Variants in DYNC2I1 observed in about 807,000 individuals in gnomAD.
DYNC2I1 encodes dynein 2 intermediate chain 1, also known as cytoplasmic dynein 2 intermediate chain 1.
In DYNC2I1, 89 loss-of-function variants were observed where a neutral mutation model predicts 133.4. The ratio of observed to expected loss-of-function variants is 0.67; its 90% CI spans 0.56 to 0.80. The LOEUF is 0.80. Ranked by LOEUF, DYNC2I1 falls within the 30% of genes least tolerant of loss-of-function variation. The pLI is 0.00. For missense variants in DYNC2I1, 1,291 were observed against 1,314.5 expected (o/e 0.98, Z 0.28); for synonymous variants, 504 against 484.3 (o/e 1.04, Z -0.54).
the DYNC2I1 span, among the ~76,000 whole-genome samples, chr7:158,842,984 C>T: frequency 6.6e-6 from 1 of 152,232 alleles, no homozygotes; most frequent in East Asian, 1.9e-4. Context: ...TCTGTGAGGA[C>T]AGTAAGTGGA....
chr7:158,958,453 C>T (rs1269987371), downstream of DYNC2I1, among the ~76,000 whole-genome samples: 1 of 152,242 alleles, frequency 6.6e-6, no homozygotes, highest in Non-Finnish European at 1.5e-5. Context: ...GGCCCCCGGG[C>T]CACTGCGGAG....
intron 3 of DYNC2I1, among the ~76,000 whole-genome samples, chr7:158,874,317 C>T (rs1843155568): frequency 6.6e-6 from 1 of 151,896 alleles, no homozygotes; most frequent in South Asian, 2.1e-4. Context: ...AAGTGATCCT[C>T]ATGCCTCAGC....
At chr7:158,886,425 C>T (rs571894926) in intron 6 of DYNC2I1, among the ~76,000 whole-genome samples, 13 of 152,064 alleles carry the variant, frequency 8.5e-5, no homozygotes, top group South Asian at 4.2e-4. Flanking sequence ...TGAGCCACTG[C>T]GCCCGGCCGA....
chr7:158,942,060 G>A lies in DYNC2I1; in HGVS notation c.2914G>A (p.Val972Met). 1 of 1,612,518 alleles carries A rather than the reference G, an allele frequency of 6.2e-7. No individual in the cohort carries two copies. Among genetic ancestry groups the A allele is most frequent in the Non-Finnish European group, 8.5e-7 (1 of 1,179,182 alleles). Reference sequence around the variant, plus strand: ...CCCAACCAGGCCTGCCGTGTTCCTGGTGCAGGACGACACATCCAACATCTA... The same window carrying A: ...CCCAACCAGGCCTGCCGTGTTCCTGATGCAGGACGACACATCCAACATCTA... ...WSPTRPAVFL[V>M]QDDTSNIYIW... Residue 972 changes from valine (V) to methionine (M), a missense_variant, in exon 24 of 25, where the codon GTG becomes ATG. Coordinates refer to ENST00000407559, the MANE Select transcript of DYNC2I1 (RefSeq NM_018051.5).
chr7:158,880,273 A>AT (rs1387329056), intron 5 of DYNC2I1, among the ~76,000 whole-genome samples: 1 of 152,244 alleles, frequency 6.6e-6, no homozygotes, highest in Non-Finnish European at 1.5e-5. Context: ...GCGGTGGCTC[A>AT]TGCCTGTCAT....
At chr7:158,908,456 A>G (rs114580586) in intron 11 of DYNC2I1, among the ~76,000 whole-genome samples, 1,876 of 152,344 alleles carry the variant, frequency 0.012, 41 homozygotes, top group African/African-American at 0.043. Flanking sequence ...TAATTGACCA[A>G]TTGGGAAAAT....
intron 8 of DYNC2I1, among the ~76,000 whole-genome samples, chr7:158,897,713 T>A (rs536329925): frequency 6.6e-6 from 1 of 152,220 alleles, no homozygotes; most frequent in Admixed American, 6.5e-5. Flanking sequence ...TTCATTGATT[T>A]TTCTCTGTTG....
intron 15 of DYNC2I1, among the ~76,000 whole-genome samples, chr7:158,919,905 A>G (rs1848846393): frequency 6.6e-6 from 1 of 152,250 alleles, no homozygotes; most frequent in African/African-American, 2.4e-5. Flanking sequence ...GACACTGAGC[A>G]GTGACAGCAG....
chr7:158,851,226 G>A, the DYNC2I1 span, among the ~76,000 whole-genome samples: 2 of 152,104 alleles, frequency 1.3e-5, no homozygotes, highest in Middle Eastern at 3.4e-3. Flanking sequence ...TTTTATCAGG[G>A]CTTTGATTAG....
intron 12 of DYNC2I1, among the ~76,000 whole-genome samples, chr7:158,912,367 C>A (rs1847566015): frequency 6.6e-6 from 1 of 152,196 alleles, no homozygotes; most frequent in Non-Finnish European, 1.5e-5. Flanking sequence ...TTAACATTGT[C>A]TAGTTGGTAC....
chr7:158,947,092 T>C (rs1307051531), downstream of DYNC2I1, among the ~76,000 whole-genome samples: 1 of 152,236 alleles, frequency 6.6e-6, no homozygotes, highest in Non-Finnish European at 1.5e-5. Flanking sequence ...GCGCCTGCTG[T>C]GTCAGTAGAG....
At chr7:158,899,636 T>TG (rs1359320485) in intron 8 of DYNC2I1, among the ~76,000 whole-genome samples, 3 of 152,198 alleles carry the variant, frequency 2.0e-5, no homozygotes, top group Admixed American at 6.5e-5. Flanking sequence ...AATTGAATCA[T>TG]GGGGCCTGGT....
At chr7:158,905,551 C>G (rs1254316439) in intron 10 of DYNC2I1, among the ~76,000 whole-genome samples, 1 of 152,232 alleles carries the variant, frequency 6.6e-6, no homozygotes, top group Non-Finnish European at 1.5e-5. Context: ...TGCCTTCATT[C>G]TCTTTTGTTT....
rs1844407132 is a variant in DYNC2I1 at position 158,884,557 on chromosome 7, T to C, written c.880-7T>C. On this transcript the variant is annotated splice_polypyrimidine_tract_variant and splice_region_variant and intron_variant, in intron 5 of 24. Transcript: ENST00000407559. Reference sequence around the variant, plus strand: ...AATGGTTATGGGATTATATTTTTGTTTGATAGAATGGTGAACACAGAAATC... The same window carrying C: ...AATGGTTATGGGATTATATTTTTGTCTGATAGAATGGTGAACACAGAAATC... 1 of 1,609,592 alleles carries C rather than the reference T, an allele frequency of 6.2e-7. No individual in the cohort carries two copies. Among genetic ancestry groups the C allele is most frequent in the Non-Finnish European group, 8.5e-7 (1 of 1,177,982 alleles).
At chr7:158,900,950 G>C (rs1343555464) in intron 8 of DYNC2I1, among the ~76,000 whole-genome samples, 2 of 151,736 alleles carry the variant, frequency 1.3e-5, no homozygotes, top group Non-Finnish European at 2.9e-5. Flanking sequence ...CCATCTCTCT[G>C]CTTGCCTGCT....
At chr7:158,925,199 A>G (rs1464478711) in intron 17 of DYNC2I1, among the ~76,000 whole-genome samples, 1 of 152,236 alleles carries the variant, frequency 6.6e-6, no homozygotes, top group Non-Finnish European at 1.5e-5. Context: ...CAGTCGAGCC[A>G]TCAGTGCTTC....
downstream of DYNC2I1, among the ~76,000 whole-genome samples, chr7:158,957,768 C>T (rs1852236530): frequency 6.6e-6 from 1 of 152,208 alleles, no homozygotes; most frequent in South Asian, 2.1e-4. Context: ...CCACCGCCAA[C>T]TCCATAACAG....
chr7:158,884,106 G>A (rs1356422590), intron 5 of DYNC2I1, among the ~76,000 whole-genome samples: 8 of 148,080 alleles, frequency 5.4e-5, no homozygotes, highest in African/African-American at 2.0e-4. Context: ...GTGCAGTGGC[G>A]CAATCTCTGC....
intron 4 of DYNC2I1, among the ~76,000 whole-genome samples, chr7:158,952,779 G>A (rs992363077): frequency 2.6e-5 from 4 of 151,774 alleles, no homozygotes; most frequent in African/African-American, 7.3e-5. Flanking sequence ...ACCCCCAGCC[G>A]CGTCGTAAGA....
Sources: allele counts gnomAD v4.1 joint callset (sites outside exome capture counted in the v4.1 genomes callset), GRCh38; gene constraint gnomAD v4.1.1; transcripts MANE v1.5; gene names NCBI Gene and HGNC (gene_info 2026-07-23, HGNC 2026-07-21).